The following NAV3 variants were observed in gnomAD, a reference collection of about 807,000 sequenced individuals.
NAV3 encodes the protein pore membrane and/or filament interacting like protein 1.
Under a neutral mutation model 244.7 loss-of-function variants are expected in NAV3, and 87 were observed. The observed-to-expected ratio is 0.36, with a 90% CI of 0.30 to 0.42. The LOEUF is 0.42. NAV3 is among the 20% of genes least tolerant of loss of function. The probability of loss-of-function intolerance (pLI) is 1.00; values close to 1 mark genes in which losing one functional copy is unlikely to be tolerated. For synonymous variants in NAV3, 1,126 were observed against 1,042.2 expected, an observed-to-expected ratio of 1.08 and a Z score of -1.55; for missense variants, 2,663 against 2,893.3, an observed-to-expected ratio of 0.92 and a Z score of 1.83.
At chr12:78,154,545 C>A (rs1957224675) in intron 22 of NAV3, among the ~76,000 whole-genome samples, 1 of 151,176 alleles carries the variant, frequency 6.6e-6, no homozygotes, top group Non-Finnish European at 1.5e-5. Flanking sequence ...CAGCCTAATA[C>A]ATTGTATGAT....
At chr12:77,701,587 C>T (rs1278436675) in intron 2 of NAV3, among the ~76,000 whole-genome samples, 1 of 151,762 alleles carries the variant, frequency 6.6e-6, no homozygotes, top group Non-Finnish European at 1.5e-5. Context: ...TTAGAATTAT[C>T]TTAGTTAATT....
intron 2 of NAV3, among the ~76,000 whole-genome samples, chr12:77,677,341 A>C (rs1874250655): frequency 6.6e-6 from 1 of 152,242 alleles, no homozygotes; most frequent in Non-Finnish European, 1.5e-5. Flanking sequence ...ATAGATGAAA[A>C]AATGGAATGT....
intron 15 of NAV3, 110 bp downstream of exon 15, chr12:78,120,055 T>TATAAC (rs967359473): frequency 1.5e-6 from 1 of 649,382 alleles, no homozygotes; most frequent in African/African-American, 1.9e-5. Context: ...GTATAAGGTA[T>TATAAC]ATATATATCT....
chr12:78,004,936 G>C (rs1873939655), intron 7 of NAV3, among the ~76,000 whole-genome samples: 1 of 152,194 alleles, frequency 6.6e-6, no homozygotes, highest in East Asian at 1.9e-4. Flanking sequence ...TTCAGTTTTG[G>C]GTGCAGTGAT....
intron 2 of NAV3, among the ~76,000 whole-genome samples, chr12:77,609,024 G>C (rs1308785936): frequency 6.6e-6 from 1 of 152,022 alleles, no homozygotes; most frequent in East Asian, 1.9e-4. Context: ...GTCCCTACCT[G>C]ATTCTCTGCC....
At chr12:77,676,784 T>C (rs1394582747) in intron 2 of NAV3, among the ~76,000 whole-genome samples, 1 of 151,934 alleles carries the variant, frequency 6.6e-6, no homozygotes, top group Non-Finnish European at 1.5e-5. Flanking sequence ...ATATCAATCA[T>C]GTTGTCCTTC....
chr12:78,091,968 G>A (rs193257194), intron 12 of NAV3, among the ~76,000 whole-genome samples: 23 of 152,172 alleles, frequency 1.5e-4, no homozygotes, highest in African/African-American at 5.5e-4. Flanking sequence ...ATAATGGAAA[G>A]AACGAAAATG....
At chr12:77,703,203 C>T (rs1875638757) in intron 2 of NAV3, among the ~76,000 whole-genome samples, 1 of 152,038 alleles carries the variant, frequency 6.6e-6, no homozygotes, top group South Asian at 2.1e-4. Flanking sequence ...TCCCTTTCTA[C>T]TCCTGGCAAA....
chr12:78,190,698 A>C (rs1188047967), intron 34 of NAV3, among the ~76,000 whole-genome samples: 1 of 151,962 alleles, frequency 6.6e-6, no homozygotes, highest in East Asian at 1.9e-4. Flanking sequence ...GGGAGCAGCA[A>C]TTTGCTTATG....
intron 2 of NAV3, among the ~76,000 whole-genome samples, chr12:77,793,305 A>T (rs901923933): frequency 1.1e-4 from 17 of 152,074 alleles, no homozygotes; most frequent in Admixed American, 1.1e-3. Flanking sequence ...CTCTATTTTA[A>T]TTTTTTTATT....
intron 1 of NAV3, among the ~76,000 whole-genome samples, chr12:77,898,258 G>A (rs1037430628): frequency 7.9e-5 from 12 of 151,834 alleles, no homozygotes; most frequent in African/African-American, 1.9e-4. Context: ...AAATATCATC[G>A]AACTTGTCAA....
chr12:77,977,920 G>A (rs549592023), intron 5 of NAV3, among the ~76,000 whole-genome samples: 7 of 151,792 alleles, frequency 4.6e-5, no homozygotes, highest in Admixed American at 4.6e-4. Flanking sequence ...GTAAACAAAG[G>A]ATCACTGTAT....
intron 2 of NAV3, among the ~76,000 whole-genome samples, chr12:77,700,872 G>A (rs940621484): frequency 5.3e-5 from 8 of 151,476 alleles, no homozygotes; most frequent in Non-Finnish European, 1.2e-4. Flanking sequence ...ATACAACCTT[G>A]TATTCCTGTA....
intron 24 of NAV3, among the ~76,000 whole-genome samples, chr12:78,170,539 A>G (rs574876893): frequency 1.5e-4 from 23 of 151,868 alleles, no homozygotes; most frequent in African/African-American, 5.5e-4. Flanking sequence ...CAGGTATCCC[A>G]TTCATTGCCT....
chr12:77,603,887 A>G (rs1592495558), intron 2 of NAV3, among the ~76,000 whole-genome samples: 1 of 152,196 alleles, frequency 6.6e-6, no homozygotes, highest in Middle Eastern at 3.4e-3. Flanking sequence ...CGAAGTCCTC[A>G]TACAAAATTG....
chr12:77,890,877 G>GA (rs1041331563), intron 1 of NAV3, among the ~76,000 whole-genome samples: 1 of 152,166 alleles, frequency 6.6e-6, no homozygotes, highest in African/African-American at 2.4e-5. Flanking sequence ...AGCAACATCT[G>GA]AAATGCCTAT....
chr12:77,837,504 G>A (rs1379619576), intron 1 of NAV3, among the ~76,000 whole-genome samples: 1 of 152,054 alleles, frequency 6.6e-6, no homozygotes, highest in Non-Finnish European at 1.5e-5. Context: ...ATAGCCTTAT[G>A]GCATAGGAAT....
chr12:77,839,598 CTA>C (rs1875255770), intron 1 of NAV3, among the ~76,000 whole-genome samples: 1 of 152,142 alleles, frequency 6.6e-6, no homozygotes, highest in South Asian at 2.1e-4. Context: ...TGCTTATAAA[CTA>C]TATGTCAAAA....
At chr12:77,683,966 A>G in intron 2 of NAV3, among the ~76,000 whole-genome samples, 1 of 152,196 alleles carries the variant, frequency 6.6e-6, no homozygotes, top group East Asian at 1.9e-4. Flanking sequence ...ATGTAGGAGT[A>G]GAATTGCTGG....
Sources: gnomAD v4.1 joint callset for allele counts (sites outside exome capture counted in the v4.1 genomes callset) on GRCh38, gnomAD v4.1.1 for gene constraint, MANE v1.5 for transcripts, NCBI Gene and HGNC (gene_info 2026-07-23, HGNC 2026-07-21) for gene names.